NUP43: variants seen among roughly 807,000 people sequenced by gnomAD.
NUP43 encodes the protein nucleoporin 43.
Under a neutral mutation model 47.3 loss-of-function variants are expected in NUP43, and 32 were observed. The observed-to-expected ratio is 0.68, with a 90% confidence interval of 0.51 to 0.91. The LOEUF is 0.91. Ranked by LOEUF, NUP43 falls within the 40% of genes least tolerant of loss-of-function variation. The pLI, the probability that NUP43 is intolerant of heterozygous loss-of-function variation, is 0.00. For synonymous variants in NUP43, 147 were observed against 158.4 expected (o/e 0.93, Z 0.54); for missense variants, 444 against 453.9 (o/e 0.98, Z 0.20).
At chr6:149,746,219 G>T in intron 1 of NUP43, 157 bp from the exon 2 acceptor site, 1 of 1,311,194 alleles carries the variant, frequency 7.6e-7, no homozygotes, top group Non-Finnish European at 1.1e-6. Flanking sequence ...GCCATCACCG[G>T]CTCTGAGCTA....
chr6:149,730,011 C>A (rs1015148889), intron 7 of NUP43, among the ~76,000 whole-genome samples: 1 of 142,054 alleles, frequency 7.0e-6, no homozygotes, highest in Admixed American at 7.1e-5. Context: ...AAAGCACGCC[C>A]TTTTTTTTTT....
chr6:149,731,968 T>A lies in NUP43; in HGVS notation c.791-233A>T, dbSNP rs533515711. 2.6e-5 allele frequency among the ~76,000 whole-genome samples: 4 copies of A among 152,080 alleles called. No homozygotes were observed. The South Asian group carries it at 8.3e-4, about 32-fold the overall frequency. Reference sequence around the variant, plus strand: ...ACTTTAGGAGGCTAAGGCGGGTGGATCACCTGAGGTCAGGACCAGCCTGGG... The same window carrying A: ...ACTTTAGGAGGCTAAGGCGGGTGGAACACCTGAGGTCAGGACCAGCCTGGG... On this transcript the variant is annotated intron_variant, in intron 6 of 7. Coordinates refer to ENST00000340413, the MANE Select transcript of NUP43 (RefSeq NM_198887.3).
chr6:149,742,389 C>A lies in NUP43; in HGVS notation c.502+1G>T, dbSNP rs780455062. The A allele has an allele frequency of 6.2e-7, 1 of 1,613,612 alleles. No individual in the cohort carries two copies. The highest frequency in any genetic ancestry group is 8.5e-7 in the Non-Finnish European group (1 of 1,179,626). On this transcript the variant is annotated splice_donor_variant, in intron 4 of 7. Coordinates refer to ENST00000340413, the MANE Select transcript of NUP43 (RefSeq NM_198887.3). LOFTEE classifies it high-confidence loss of function. ...GTTGGCCAGGCTGGGATTTTTCTTA[C>A]CTATGGTTCTTACAGCTTCCTTGTG... is the stretch of plus-strand genomic sequence containing the variant.
In NUP43 at chr6:149,727,097, G is replaced by T. The variant is rs368190862; in HGVS notation, c.1015C>A (p.Arg339=). The part of the protein sequence containing the change: ...SWLSTDPAKD[R]IEITSLLPSR... ...GGAAGTAAGCTTGTGATTTCAATTCGGTCTTTTGCAGGATCAGTGCTGAGC... is the reference window on the plus strand; with the variant it reads ...GGAAGTAAGCTTGTGATTTCAATTCTGTCTTTTGCAGGATCAGTGCTGAGC... Residue 339 remains arginine (R), a synonymous_variant, in exon 8 of 8, where the codon CGA becomes AGA. Coordinates refer to ENST00000340413, the MANE Select transcript of NUP43 (RefSeq NM_198887.3). The T allele has an allele frequency of 6.2e-7, 1 of 1,613,956 alleles. No individual in the cohort carries two copies. Among genetic ancestry groups the T allele is most frequent in the Non-Finnish European group, 8.5e-7 (1 of 1,180,002 alleles).
intron 2 of NUP43, 38 bp downstream of exon 2, chr6:149,745,873 GCTCTGCTTGTTTAAATGTATTACTCAGGA>G: frequency 7.0e-7 from 1 of 1,422,694 alleles, no homozygotes; most frequent in Non-Finnish European, 9.5e-7. Flanking sequence ...CTTTTATGAT[GCTCTGCTTGTTTAAATGTATTACTCAGGA>G]CTTTCAAAGT....
At chr6:149,738,813 A>G (rs1458115368) in intron 4 of NUP43, 35 bp from the exon 5 acceptor site, 5 of 1,347,992 alleles carry the variant, frequency 3.7e-6, no homozygotes, top group Non-Finnish European at 3.9e-6. Context: ...TGTGTTAATG[A>G]GTCCCCTTTT....
chr6:149,739,223 C>T (rs1011585540), intron 4 of NUP43, among the ~76,000 whole-genome samples: 1 of 152,042 alleles, frequency 6.6e-6, no homozygotes, highest in African/African-American at 2.4e-5. Context: ...GGTGATCCAC[C>T]AGCCTCGGCC....
intron 4 of NUP43, among the ~76,000 whole-genome samples, chr6:149,740,457 T>A (rs1785591072): frequency 6.6e-6 from 1 of 151,912 alleles, no homozygotes; most frequent in Non-Finnish European, 1.5e-5. Context: ...GTTGAAAGCC[T>A]GTCTCTACTA....
chr6:149,742,681 C>T (rs1582981998), intron 3 of NUP43, 111 bp from the exon 4 acceptor site: 1 of 751,850 alleles, frequency 1.3e-6, no homozygotes, highest in Non-Finnish European at 2.1e-6. Context: ...AAGAATAAAT[C>T]TCTCCTTTTT....
chr6:149,731,562 TAA>T (rs368188588), intron 7 of NUP43, 49 bp downstream of exon 7: 15,835 of 1,265,872 alleles, frequency 0.013, no homozygotes, highest in South Asian at 0.017. Context: ...GACTCTGTCT[TAA>T]AAAAAAAAAA....
chr6:149,732,172 A>G (rs1785084015), intron 6 of NUP43, among the ~76,000 whole-genome samples: 1 of 143,660 alleles, frequency 7.0e-6, no homozygotes, highest in South Asian at 2.3e-4. Context: ...ACAAAGTGAG[A>G]CACTGTCTGA....
chr6:149,729,478 C>G, intron 7 of NUP43: 1 of 976,418 alleles, frequency 1.0e-6, no homozygotes, highest in Non-Finnish European at 1.2e-6. Flanking sequence ...GGCAACAACA[C>G]TGGTGGTAGT....
intron 2 of NUP43, among the ~76,000 whole-genome samples, chr6:149,743,925 A>C (rs1035119306): frequency 1.2e-4 from 18 of 152,230 alleles, no homozygotes; most frequent in Non-Finnish European, 2.9e-5. Context: ...TTTTTCCTAG[A>C]CACATTCACC....
chr6:149,746,042 C>G lies in NUP43; in HGVS notation c.141G>C (p.Trp47Cys). The change falls in exon 2 of 8, where the codon TGG (tryptophan) becomes TGC (cysteine). Residue 47 changes from tryptophan (W) to cysteine (C), a missense_variant. Trp to Cys is a radical substitution (Grantham distance 215). Transcript: ENST00000340413. ...WDNEENYISL[W>C]SIGDFGNLDS... The stretch of plus-strand genomic sequence containing the variant: ...CCAAGTTTCCAAAATCTCCAATAGA[C>G]CACAGTGAAATATAATTTTCCTGTA... 14 of 1,613,698 alleles carry G rather than the reference C, an allele frequency of 8.7e-6. No homozygotes were observed. Among genetic ancestry groups the G allele is most frequent in the Non-Finnish European group, 1.2e-5 (14 of 1,179,898 alleles).
intron 2 of NUP43, among the ~76,000 whole-genome samples, chr6:149,745,051 C>T (rs558297058): frequency 6.6e-6 from 1 of 151,130 alleles, no homozygotes; most frequent in Admixed American, 6.6e-5. Flanking sequence ...CAAGCGCGCA[C>T]CAGGGCTAGG....
chr6:149,733,134 A>G (rs1785147304), intron 6 of NUP43, among the ~76,000 whole-genome samples: 1 of 152,042 alleles, frequency 6.6e-6, no homozygotes, highest in Non-Finnish European at 1.5e-5. Context: ...TATGAAGATT[A>G]TATTATTGGA....
Position 149,739,780 on chromosome 6 carries a change from G to GT in NUP43, c.503-1003dup, listed in dbSNP as rs1167570476. 3.3e-5 allele frequency among the ~76,000 whole-genome samples: 5 copies of GT among 152,114 alleles called. No individual in the cohort carries two copies. In the East Asian group the frequency reaches 9.7e-4, roughly 29 times the overall value. ...TTCCTACAGAGCTCATTCTAACCTT[G>GT]TATTATTCTGCAGACTCATCCCAAA... is the stretch of plus-strand genomic sequence containing the variant. On this transcript the variant is annotated intron_variant, in intron 4 of 7. Transcript: ENST00000340413.
At chr6:149,740,165 C>G (rs563232394) in intron 4 of NUP43, among the ~76,000 whole-genome samples, 2 of 151,210 alleles carry the variant, frequency 1.3e-5, no homozygotes, top group Non-Finnish European at 2.9e-5. Flanking sequence ...AGTCCCACAT[C>G]CCTGGAAGGC....
intron 2 of NUP43, among the ~76,000 whole-genome samples, chr6:149,744,048 C>T (rs1205360543): frequency 2.0e-5 from 3 of 151,804 alleles, no homozygotes; most frequent in Admixed American, 6.6e-5. Flanking sequence ...CCTAGGTGGA[C>T]GGATCACTTG....
Sources: gnomAD v4.1 joint callset for allele counts (sites outside exome capture counted in the v4.1 genomes callset) on GRCh38, gnomAD v4.1.1 for gene constraint, MANE v1.5 for transcripts, NCBI Gene and HGNC (gene_info 2026-07-23, HGNC 2026-07-21) for gene names.